Variants in DDR2 observed in about 807,000 individuals in gnomAD.
DDR2 encodes discoidin domain-containing receptor 2.
Under a neutral mutation model 94.9 loss-of-function variants are expected in DDR2, and 27 were observed. The observed-to-expected ratio is 0.28, with a 90% CI of 0.21 to 0.39. The LOEUF (loss-of-function observed/expected upper bound fraction) is 0.39. Ranked by LOEUF, DDR2 falls within the 10% of genes least tolerant of loss-of-function variation. The probability of loss-of-function intolerance (pLI) is 1.00; values close to 1 mark genes in which losing one functional copy is unlikely to be tolerated. For synonymous variants in DDR2, 382 were observed against 377.2 expected, an observed-to-expected ratio of 1.01 and a Z score of -0.15; for missense variants, 783 against 1,076.0, an observed-to-expected ratio of 0.73 and a Z score of 3.81.
chr1:162,690,119 C>A (rs1659901071), intron 2 of DDR2, among the ~76,000 whole-genome samples: 1 of 151,862 alleles, frequency 6.6e-6, no homozygotes, highest in South Asian at 2.1e-4. Flanking sequence ...GAGAGCTGGG[C>A]ACTTTCTAAA....
chr1:162,696,214 T>TTTTTAATA (rs1558032397), intron 2 of DDR2, among the ~76,000 whole-genome samples: 1 of 137,248 alleles, frequency 7.3e-6, no homozygotes, highest in Non-Finnish European at 1.6e-5. Context: ...TTTTTTTTTT[T>TTTTTAATA]AAAAAAAAAA....
chr1:162,769,041 A>G (rs1664134000), intron 11 of DDR2, among the ~76,000 whole-genome samples: 1 of 152,182 alleles, frequency 6.6e-6, no homozygotes, highest in African/African-American at 2.4e-5. Flanking sequence ...ATTTTAGCCA[A>G]GGGGGAAAGT....
At chr1:162,761,944 C>G (rs1663766436) in intron 9 of DDR2, among the ~76,000 whole-genome samples, 2 of 152,120 alleles carry the variant, frequency 1.3e-5, no homozygotes, top group South Asian at 4.1e-4. Context: ...ATTTCATTAG[C>G]AAATAATTGG....
Position 162,772,076 on chromosome 1 carries a change from C to G in DDR2, c.1557C>G (p.Pro519=). ...AGCCCAGTGGCCCTGAGGGGGTGCC[C>G]CACTATGCAGAGGCTGACATAGTGA... ...PVQPSGPEGV[P]HYAEADIVNL... is the part of the protein sequence containing the mutation. The change falls in exon 13 of 18, where the codon CCC becomes CCG. Residue 519 remains proline, a synonymous_variant. Transcript: ENST00000367921. 1 of 1,613,672 alleles carries G rather than the reference C, an allele frequency of 6.2e-7. No individual in the cohort carries two copies. Among genetic ancestry groups the G allele is most frequent in the Non-Finnish European group, 8.5e-7 (1 of 1,179,926 alleles).
At chr1:162,717,030 A>G (rs1321366773) in intron 2 of DDR2, among the ~76,000 whole-genome samples, 2 of 151,072 alleles carry the variant, frequency 1.3e-5, no homozygotes, top group South Asian at 2.1e-4. Context: ...TTTAAAAATC[A>G]CTTTGTATTC....
intron 2 of DDR2, among the ~76,000 whole-genome samples, chr1:162,689,742 G>A (rs535690979): frequency 2.0e-5 from 3 of 149,640 alleles, no homozygotes; most frequent in South Asian, 2.1e-4. Flanking sequence ...CGTGGCTCAC[G>A]CCTGTAATCC....
intron 16 of DDR2, 121 bp from the exon 17 acceptor site, chr1:162,778,459 G>T (rs1368629673): frequency 8.2e-7 from 1 of 1,215,534 alleles, no homozygotes; most frequent in Non-Finnish European, 1.2e-6. Context: ...GCACATCTTG[G>T]CATTTTCAGA....
At position 162,772,265 on chromosome 1, in the gene DDR2, T is replaced by C. The variant is rs760275356; in HGVS notation, c.1728+18T>C. On this transcript the variant is annotated intron_variant, in intron 13 of 17. Transcript: ENST00000367921. Reference sequence around the variant, plus strand: ...TTGGGGAGGTGAGTTGATTCTTTGATTCCCTTATAGCTCGAAGAAGGTGGT... The same window carrying C: ...TTGGGGAGGTGAGTTGATTCTTTGACTCCCTTATAGCTCGAAGAAGGTGGT... 5.6e-6 allele frequency: 9 copies of C among 1,612,384 alleles called. No homozygotes were observed. Among genetic ancestry groups the C allele is most frequent in the East Asian group, 2.2e-5 (1 of 44,878 alleles).
chr1:162,765,904 A>G, intron 9 of DDR2, 97 bp from the exon 10 acceptor site: 1 of 1,078,618 alleles, frequency 9.3e-7, no homozygotes, highest in East Asian at 2.4e-5. Flanking sequence ...AACTCACTAA[A>G]TTGATCTTGT....
intron 2 of DDR2, among the ~76,000 whole-genome samples, chr1:162,714,760 C>T (rs1661082321): frequency 6.6e-6 from 1 of 152,140 alleles, no homozygotes; most frequent in African/African-American, 2.4e-5. Context: ...TCCATGTTGG[C>T]AGGAACCTTC....
chr1:162,764,090 C>T (rs1345798792), intron 9 of DDR2, among the ~76,000 whole-genome samples: 1 of 152,198 alleles, frequency 6.6e-6, no homozygotes, highest in Non-Finnish European at 1.5e-5. Flanking sequence ...TAATTCTTTT[C>T]TGTATATAGT....
At chr1:162,679,011 A>C (rs1162687193) in intron 2 of DDR2, among the ~76,000 whole-genome samples, 1 of 151,940 alleles carries the variant, frequency 6.6e-6, no homozygotes, top group East Asian at 1.9e-4. Context: ...TACAGTACTA[A>C]GGCATGTTCT....
At chr1:162,656,809 G>A (rs1014871960) in intron 2 of DDR2, among the ~76,000 whole-genome samples, 1 of 118,650 alleles carries the variant, frequency 8.4e-6, no homozygotes, top group South Asian at 2.8e-4. Flanking sequence ...TATCACTGTG[G>A]TCTTTTCTTC....
chr1:162,657,357 TTTTC>T (rs1658047575), intron 2 of DDR2, among the ~76,000 whole-genome samples: 1 of 152,050 alleles, frequency 6.6e-6, no homozygotes, highest in Non-Finnish European at 1.5e-5. Flanking sequence ...CAGACTGAGT[TTTTC>T]AATCTGTTTA....
intron 17 of DDR2, among the ~76,000 whole-genome samples, chr1:162,779,358 A>G (rs551650759): frequency 6.6e-6 from 1 of 152,246 alleles, no homozygotes; most frequent in African/African-American, 2.4e-5. Context: ...TCTGGAATTT[A>G]AAGCTTGCCA....
rs774522755 is a variant in DDR2 at position 162,776,214 on chromosome 1, A to G, written c.2127A>G (p.Arg709=). Residue 709 remains arginine, a synonymous_variant, in exon 16 of 18, where the codon CGA becomes CGG. Transcript: ENST00000367921. ...TTTCCTCTCTTAATTTTGTTCACCG[A>G]GATCTGGCCACACGAAACTGTTTAG... ...KYLSSLNFVH[R]DLATRNCLVG... The G allele has an allele frequency of 6.2e-7, 1 of 1,613,988 alleles. No homozygotes were observed. Among genetic ancestry groups the G allele is most frequent in the Non-Finnish European group, 8.5e-7 (1 of 1,179,958 alleles).
chr1:162,690,878 C>T (rs544881244), intron 2 of DDR2, among the ~76,000 whole-genome samples: 1 of 152,264 alleles, frequency 6.6e-6, no homozygotes, highest in South Asian at 2.1e-4. Context: ...TAAAAACGGA[C>T]CTACAGTTAT....
intron 3 of DDR2, among the ~76,000 whole-genome samples, chr1:162,736,798 T>A (rs575957935): frequency 1.3e-5 from 2 of 152,332 alleles, no homozygotes; most frequent in African/African-American, 4.8e-5. Context: ...TTCTCAACTC[T>A]ATGAAGATTC....
chr1:162,749,195 C>CA (rs993656124), intron 3 of DDR2, among the ~76,000 whole-genome samples: 14 of 151,798 alleles, frequency 9.2e-5, no homozygotes, highest in African/African-American at 2.9e-4. Flanking sequence ...AAAAACCCTT[C>CA]AAAAAATCAA....
Sources: allele counts gnomAD v4.1 joint callset (sites outside exome capture counted in the v4.1 genomes callset), GRCh38; gene constraint gnomAD v4.1.1; transcripts MANE v1.5; gene names NCBI Gene and HGNC (gene_info 2026-07-23, HGNC 2026-07-21).